Variants in TRPM3 observed in about 807,000 individuals in gnomAD.
TRPM3 encodes the protein transient receptor potential cation channel subfamily M member 3.
In TRPM3, 77 loss-of-function variants were observed where a neutral mutation model predicts 181.2. That is an observed-to-expected ratio of 0.42 (90% CI 0.35 to 0.51). TRPM3 has a LOEUF of 0.51. Ranked by LOEUF, TRPM3 falls within the 20% of genes least tolerant of loss-of-function variation. The pLI is 0.01. For missense variants in TRPM3, 1,759 were observed against 2,196.7 expected (o/e 0.80, Z 3.98); for synonymous variants, 745 against 796.4 (o/e 0.94, Z 1.09).
intron 3 of TRPM3, among the ~76,000 whole-genome samples, chr9:70,853,529 T>C (rs1234057624): frequency 6.6e-6 from 1 of 152,224 alleles, no homozygotes; most frequent in East Asian, 1.9e-4. Flanking sequence ...GTATTTTACA[T>C]GGATATCCAA....
At chr9:70,604,964 C>CTTCTTTTT (rs146874864) in intron 19 of TRPM3, among the ~76,000 whole-genome samples, 4 of 129,954 alleles carry the variant, frequency 3.1e-5, no homozygotes, top group African/African-American at 5.9e-5. Flanking sequence ...ATGGATTCTT[C>CTTCTTTTT]TTTTTTTTTG....
At chr9:71,341,205 A>G (rs1036013773) in intron 1 of TRPM3, among the ~76,000 whole-genome samples, 2 of 152,218 alleles carry the variant, frequency 1.3e-5, no homozygotes, top group African/African-American at 4.8e-5. Flanking sequence ...AATCTGCTAC[A>G]GGCAATATCC....
intron 1 of TRPM3, among the ~76,000 whole-genome samples, chr9:71,006,129 T>C (rs2097670745): frequency 6.6e-6 from 1 of 152,212 alleles, no homozygotes; most frequent in African/African-American, 2.4e-5. Flanking sequence ...TAACCTGTTA[T>C]AATCATAAGA....
At chr9:71,211,625 A>G (rs1046914570) in intron 1 of TRPM3, among the ~76,000 whole-genome samples, 1 of 152,096 alleles carries the variant, frequency 6.6e-6, no homozygotes, top group Admixed American at 6.5e-5. Flanking sequence ...TTTCTCTCCT[A>G]TCTTCTGGTG....
chr9:71,293,884 G>A lies in TRPM3; in HGVS notation c.183+152769C>T, dbSNP rs150049577. Among the ~76,000 whole-genome samples the A allele has an allele frequency of 3.0e-3, 462 of 152,004 alleles. 2 individuals carry two copies. The highest frequency in any genetic ancestry group is 5.2e-3 in the Non-Finnish European group (356 of 67,828). On this transcript the variant is annotated intron_variant, in intron 1 of 24. Transcript: ENST00000357533. ...GAACCAGACACAGACTCATGCATACGTAGAGACTCCATATAAGATAGAGGT... is the reference window on the plus strand; with the variant it reads ...GAACCAGACACAGACTCATGCATACATAGAGACTCCATATAAGATAGAGGT...
intron 10 of TRPM3, among the ~76,000 whole-genome samples, chr9:70,640,237 C>T (rs1219377853): frequency 6.6e-6 from 1 of 152,130 alleles, no homozygotes; most frequent in Non-Finnish European, 1.5e-5. Flanking sequence ...CTACCCCTTC[C>T]TTAATTTTAG....
intron 7 of TRPM3, among the ~76,000 whole-genome samples, chr9:70,767,051 A>G (rs935441609): frequency 6.6e-6 from 1 of 152,252 alleles, no homozygotes; most frequent in Non-Finnish European, 1.5e-5. Context: ...GATGCTTTTT[A>G]GGAAAGAGTC....
chr9:70,958,337 G>GT (rs35185303), intron 1 of TRPM3, among the ~76,000 whole-genome samples: 77,681 of 151,982 alleles, frequency 0.51, 20,388 homozygotes, highest in Non-Finnish European at 0.54. Flanking sequence ...TATGCTCACA[G>GT]TATTTTTAAA....
intron 1 of TRPM3, among the ~76,000 whole-genome samples, chr9:71,391,926 A>G (rs2093071023): frequency 6.6e-6 from 1 of 152,110 alleles, no homozygotes; most frequent in Non-Finnish European, 1.5e-5. Context: ...TTATAACTGA[A>G]AGGCATAAAA....
At chr9:70,931,982 C>T (rs556548051) in intron 1 of TRPM3, among the ~76,000 whole-genome samples, 2 of 152,252 alleles carry the variant, frequency 1.3e-5, no homozygotes, top group African/African-American at 4.8e-5. Context: ...AGTGTACTAA[C>T]ATTCTTGGAA....
intron 1 of TRPM3, among the ~76,000 whole-genome samples, chr9:71,309,511 C>T (rs997136397): frequency 1.3e-5 from 2 of 152,134 alleles, no homozygotes; most frequent in Admixed American, 1.3e-4. Flanking sequence ...ACTACCATCA[C>T]ATATTCCCTA....
chr9:71,316,431 G>A lies in TRPM3; in HGVS notation c.183+130222C>T, dbSNP rs117312962. Among the ~76,000 whole-genome samples the A allele has an allele frequency of 1.2e-3, 188 of 152,246 alleles. 3 individuals are homozygous for A. In the East Asian group the frequency reaches 0.03, roughly 24 times the overall value. ...ACATGTGAATATGTTACTTTACATT[G>A]CAAAGGGGATTTTGCAGTGTGATTA... On this transcript the variant is annotated intron_variant, in intron 1 of 24. Transcript: ENST00000357533.
intron 1 of TRPM3, among the ~76,000 whole-genome samples, chr9:71,339,636 T>A (rs927038773): frequency 1.9e-4 from 29 of 152,112 alleles, no homozygotes; most frequent in Admixed American, 1.2e-3. Flanking sequence ...TAATATTAGA[T>A]CTGTTCATCA....
chr9:71,003,596 G>A (rs1189578396), intron 1 of TRPM3, among the ~76,000 whole-genome samples: 1 of 152,116 alleles, frequency 6.6e-6, no homozygotes, highest in Non-Finnish European at 1.5e-5. Context: ...CTTGCTAATA[G>A]GATGTGTTGT....
chr9:70,782,648 T>C (rs1035205591), intron 7 of TRPM3, among the ~76,000 whole-genome samples: 1 of 152,090 alleles, frequency 6.6e-6, no homozygotes, highest in Non-Finnish European at 1.5e-5. Flanking sequence ...TACTATAAAA[T>C]ATAATAGTAA....
chr9:70,825,840 C>A (rs188903293), intron 6 of TRPM3: 2 of 152,208 alleles, frequency 1.3e-5, no homozygotes, highest in South Asian at 4.1e-4. Flanking sequence ...GAAAAAGGAA[C>A]CCCCTTCCTC....
intron 5 of TRPM3, among the ~76,000 whole-genome samples, chr9:70,831,242 TA>T (rs1211330967): frequency 6.6e-6 from 1 of 152,178 alleles, no homozygotes; most frequent in Non-Finnish European, 1.5e-5. Flanking sequence ...TTTACATATC[TA>T]AAAAGATTTG....
intron 1 of TRPM3, among the ~76,000 whole-genome samples, chr9:71,005,787 C>G (rs2097667037): frequency 6.6e-6 from 1 of 152,032 alleles, no homozygotes; most frequent in African/African-American, 2.4e-5. Flanking sequence ...ATTATTTAAT[C>G]TAAAAGAAGA....
rs190339668 is a variant in TRPM3, at chr9:70,534,681, C to T, written c.*1272G>A. On this transcript the variant is annotated 3_prime_UTR_variant, in exon 26 of 26. Transcript: ENST00000677713. ...CTGATGGCTTTGGGTTGATACCAAA[C>T]TCCCAGTCAAATCTAAGGTTATTTA... The T allele has an allele frequency of 4.1e-4, 62 of 152,284 alleles. No individual in the cohort carries two copies. Among genetic ancestry groups the T allele is most frequent in the African/African-American group, 1.4e-3 (59 of 41,550 alleles). 9.4% of individuals were successfully genotyped at this position (152,284 alleles called of 1,614,324 possible).
Sources: allele counts gnomAD v4.1 joint callset (sites outside exome capture counted in the v4.1 genomes callset), GRCh38; gene constraint gnomAD v4.1.1; transcripts MANE v1.5; gene names NCBI Gene and HGNC (gene_info 2026-07-23, HGNC 2026-07-21).